The following UGT1A8 variants were observed in gnomAD, a reference collection of about 807,000 sequenced individuals.
The protein encoded by UGT1A8 is UDP-glucuronosyltransferase 1A8.
In UGT1A8, 39 loss-of-function variants were observed where a neutral mutation model predicts 45.3. That is an observed-to-expected ratio of 0.86 (90% CI 0.67 to 1.12). UGT1A8 has a LOEUF of 1.12. Ranked by LOEUF, UGT1A8 falls within the 50% of genes most tolerant of loss-of-function variation. UGT1A8 has a pLI of 0.00. For synonymous variants in UGT1A8, 275 were observed against 249.2 expected, an observed-to-expected ratio of 1.10 and a Z score of -0.97; for missense variants, 719 against 664.9, an observed-to-expected ratio of 1.08 and a Z score of -0.90.
rs1449126487 is a variant in UGT1A8, at chr2:233,713,999, G to T, written c.856-53035G>T. The T allele has an allele frequency of 1.2e-5, 18 of 1,554,686 alleles. No homozygotes were observed. In the East Asian group the frequency reaches 2.8e-4, roughly 24 times the overall value. ...TCTCATTGTTGTAATAGTCTTCAGT[G>T]AGATAAACTTTTAAAGGGTCAATGG... On this transcript the variant is annotated intron_variant, in intron 1 of 4. Transcript: ENST00000373450.
At chr2:233,693,425 G>C in intron 1 of UGT1A8, 1 of 1,614,078 alleles carries the variant, frequency 6.2e-7, no homozygotes, top group South Asian at 1.1e-5. Flanking sequence ...CTTCTTTAAG[G>C]AGAGCAAGTT....
chr2:233,630,938 A>T lies in UGT1A8; in HGVS notation c.855+12376A>T, dbSNP rs2073176183. Among the ~76,000 whole-genome samples, 4 of 150,634 alleles carry T rather than the reference A, an allele frequency of 2.7e-5. No homozygotes were observed. In the South Asian group the frequency reaches 8.4e-4, roughly 32 times the overall value. On this transcript the variant is annotated intron_variant, in intron 1 of 4. Transcript: ENST00000373450. ...GCCATGGTGGTTTGCTGCACCCATC[A>T]TTCCTTCATCTACATTAGGTATTTC...
chr2:233,712,866 G>A (rs1236935374), intron 1 of UGT1A8: 3 of 1,573,916 alleles, frequency 1.9e-6, no homozygotes, highest in African/African-American at 1.4e-5. Flanking sequence ...CTGGAGGAGG[G>A]CACTCTGTCT....
chr2:233,714,286 T>C (rs551165794), intron 1 of UGT1A8, among the ~76,000 whole-genome samples: 1 of 152,310 alleles, frequency 6.6e-6, no homozygotes, highest in South Asian at 2.1e-4. Context: ...CAATTTTTAG[T>C]GGTCCCATCT....
At chr2:233,667,197 T>A (rs1417183023) in intron 1 of UGT1A8, among the ~76,000 whole-genome samples, 1 of 152,192 alleles carries the variant, frequency 6.6e-6, no homozygotes, top group Admixed American at 6.5e-5. Context: ...ATAGTATTTC[T>A]AGTTCTAGAT....
At chr2:233,636,262 C>T (rs888368181) in intron 1 of UGT1A8, among the ~76,000 whole-genome samples, 1 of 140,970 alleles carries the variant, frequency 7.1e-6, no homozygotes, top group African/African-American at 2.7e-5. Context: ...TCTAAACTCA[C>T]TTGCAGCGTG....
chr2:233,621,286 T>G (rs2073001284), intron 1 of UGT1A8, among the ~76,000 whole-genome samples: 1 of 152,184 alleles, frequency 6.6e-6, no homozygotes, highest in African/African-American at 2.4e-5. Flanking sequence ...CGAAATAGTT[T>G]TAATGAGAAA....
chr2:233,710,781 C>T (rs964572704), intron 1 of UGT1A8, among the ~76,000 whole-genome samples: 1 of 152,148 alleles, frequency 6.6e-6, no homozygotes, highest in Non-Finnish European at 1.5e-5. Flanking sequence ...TTTTAGCAAA[C>T]GTTTTGTGTT....
At chr2:233,755,509 C>T (rs143373661) in intron 1 of UGT1A8, 2 of 166,052 alleles carry the variant, frequency 1.2e-5, no homozygotes, top group Middle Eastern at 2.8e-3. Context: ...GACCAGGCCC[C>T]GCCCACTCCG....
At chr2:233,683,873 C>T (rs1312506448) in intron 1 of UGT1A8, among the ~76,000 whole-genome samples, 2 of 152,028 alleles carry the variant, frequency 1.3e-5, no homozygotes, top group East Asian at 1.9e-4. Context: ...CAAATTATTC[C>T]CTCCCCTGGT....
At chr2:233,766,659 G>C (rs1373000724) in intron 1 of UGT1A8, among the ~76,000 whole-genome samples, 1 of 152,094 alleles carries the variant, frequency 6.6e-6, no homozygotes, top group Non-Finnish European at 1.5e-5. Context: ...AAGGGACCAC[G>C]CCCTTCCCAG....
chr2:233,724,360 G>C (rs1455285943), intron 1 of UGT1A8, among the ~76,000 whole-genome samples: 3 of 146,586 alleles, frequency 2.0e-5, no homozygotes, highest in Admixed American at 6.8e-5. Context: ...CCTCCCTCCC[G>C]GACGGGGTGG....
rs755218546 is a variant in UGT1A8 at position 233,767,936 on chromosome 2, G to A, written c.1075G>A (p.Gly359Ser). The A allele has an allele frequency of 2.4e-5, 38 of 1,614,052 alleles. No homozygotes were observed. In the South Asian group the frequency reaches 4.2e-4, roughly 18 times the overall value. Residue 359 changes from glycine (G) to serine (S), a missense_variant and splice_region_variant, in exon 3 of 5, where the codon GGT becomes AGT. Coordinates refer to ENST00000373450, the MANE Select transcript of UGT1A8 (RefSeq NM_019076.5). ...GTGGCTACCCCAAAACGATCTGCTT[G>A]GTATGTTGGGCGGATTGGATGTATA... ...VKWLPQNDLL[G>S]HPMTRAFITH...
At chr2:233,640,450 C>G (rs1446974822) in intron 1 of UGT1A8, among the ~76,000 whole-genome samples, 1 of 152,062 alleles carries the variant, frequency 6.6e-6, no homozygotes, top group Admixed American at 6.6e-5. Flanking sequence ...TCACACCTAA[C>G]ACAATAATAA....
At chr2:233,713,084 G>A in intron 1 of UGT1A8, 1 of 1,614,196 alleles carries the variant, frequency 6.2e-7, no homozygotes, top group African/African-American at 1.3e-5. Context: ...GTGGGAAGGT[G>A]CTGGTGGTGC....
At position 233,629,047 on chromosome 2, in the gene UGT1A8, C is replaced by T. The variant is rs531718279; in HGVS notation, c.855+10485C>T. Among the ~76,000 whole-genome samples, 55 of 152,124 alleles carry T rather than the reference C, an allele frequency of 3.6e-4. 1 individual carries two copies. In the South Asian group the frequency reaches 0.011, roughly 30 times the overall value. On this transcript the variant is annotated intron_variant, in intron 1 of 4. Coordinates refer to ENST00000373450, the MANE Select transcript of UGT1A8 (RefSeq NM_019076.5). Reference sequence around the variant, plus strand: ...GTTCACATTGCTGTGCAACCAACACCACCATTCATCTCTAGAACTCGCTTC... The same window carrying T: ...GTTCACATTGCTGTGCAACCAACACTACCATTCATCTCTAGAACTCGCTTC...
At chr2:233,727,618 G>A (rs577107936) in intron 1 of UGT1A8, among the ~76,000 whole-genome samples, 2 of 152,292 alleles carry the variant, frequency 1.3e-5, no homozygotes, top group South Asian at 2.1e-4. Context: ...TTCAGAGGCT[G>A]AGAGGTTGCA....
intron 1 of UGT1A8, chr2:233,713,051 C>T: frequency 6.2e-7 from 1 of 1,614,118 alleles, no homozygotes. Context: ...TGCTTCTCCT[C>T]AGTGTCCAGC....
At chr2:233,760,273 A>C in intron 1 of UGT1A8, 3 of 1,612,532 alleles carry the variant, frequency 1.9e-6, no homozygotes, top group Non-Finnish European at 1.7e-6. Flanking sequence ...AACCTCTGGC[A>C]GGAGCAAAGG....
Sources: allele counts gnomAD v4.1 joint callset (sites outside exome capture counted in the v4.1 genomes callset), GRCh38; gene constraint gnomAD v4.1.1; transcripts MANE v1.5; gene names NCBI Gene and HGNC (gene_info 2026-07-23, HGNC 2026-07-21).